The following CFAP99 variants were observed in gnomAD, a reference collection of about 807,000 sequenced individuals.
CFAP99 encodes the protein cilia and flagella associated protein 99.
CFAP99 carries 84 observed loss-of-function variants against 82.7 expected under a neutral mutation model. The observed-to-expected ratio is 1.02, with a 90% CI of 0.85 to 1.22. The LOEUF is 1.22. Among genes scored for constraint, CFAP99 ranks in the 50% most tolerant of loss-of-function variants. The probability of loss-of-function intolerance (pLI) is 0.00; values close to 1 mark genes in which losing one functional copy is unlikely to be tolerated. For synonymous variants in CFAP99, 456 were observed against 429.5 expected, an observed-to-expected ratio of 1.06 and a Z score of -0.76; for missense variants, 1,059 against 983.5, an observed-to-expected ratio of 1.08 and a Z score of -1.03.
chr4:2,459,952 C>T (rs1560391428), intron 13 of CFAP99, 85 bp from the exon 14 acceptor site: 6 of 1,233,462 alleles, frequency 4.9e-6, no homozygotes, highest in South Asian at 1.3e-5. Flanking sequence ...AAGGGGTGGG[C>T]CTATGGAACA....
chr4:2,450,204 C>G, intron 8 of CFAP99, 199 bp downstream of exon 8: 1 of 607,984 alleles, frequency 1.6e-6, no homozygotes, highest in Middle Eastern at 2.6e-4. Flanking sequence ...CGGGTGTAGA[C>G]GCGCACCCAC....
intron 10 of CFAP99, 40 bp from the exon 11 acceptor site, chr4:2,452,102 G>A: frequency 6.5e-7 from 1 of 1,530,196 alleles, no homozygotes; most frequent in Non-Finnish European, 8.8e-7. Flanking sequence ...CTCTGTCACG[G>A]GAGAAACCCC....
chr4:2,426,517 A>G (rs943525127), exon 2 of CFAP99: 8 of 1,535,866 alleles, frequency 5.2e-6, no homozygotes, highest in Admixed American at 2.0e-5. Context: ...TGATCGAGCA[A>G]CTCGACAAAT....
At chr4:2,439,531 C>T (rs1384534315) in intron 4 of CFAP99, among the ~76,000 whole-genome samples, 5 of 152,210 alleles carry the variant, frequency 3.3e-5, no homozygotes, top group Non-Finnish European at 5.9e-5. Context: ...CGGCGGCTCA[C>T]ACAGCACCTC....
In CFAP99 at chr4:2,440,378, C is replaced by G. The variant is rs569925955; in HGVS notation, c.351+2214C>G. On this transcript the variant is annotated intron_variant, in intron 4 of 14. Coordinates refer to ENST00000635017, the Ensembl canonical transcript of CFAP99. ...AGCCGGGATGGTCTCGATCTCCTGA[C>G]CTCGTGATCCGCCCGCCTCGGCCTC... 5.4e-5 allele frequency among the ~76,000 whole-genome samples: 8 copies of G among 147,640 alleles called. No individual in the cohort carries two copies. In the South Asian group the frequency reaches 1.7e-3, roughly 32 times the overall value.
Position 2,462,864 on chromosome 4 carries a change from C to T in CFAP99, c.2083C>T (p.Leu695=), listed in dbSNP as rs1357782737. 7.2e-7 allele frequency: 1 copy of T among 1,390,478 alleles called. No individual in the cohort carries two copies. Among genetic ancestry groups the T allele is most frequent in the East Asian group, 3.2e-5 (1 of 31,488 alleles). The allele number at this position is 1,390,478 out of a possible 1,614,324, so 86.1% of individuals were successfully genotyped here. Residue 695 remains leucine, a synonymous_variant, in exon 15 of 15, where the codon CTG becomes TTG. Transcript: ENST00000635017. This position sits in a 1 kb window ranked among gnomAD's most constrained non-coding sequence, Gnocchi z 4.1. ...GCTGGAGCGGAGCCGCGAGCGCAGG[C>T]TGCAGGCGCTGCAGCAGGGAGGCTC...
At chr4:2,432,222 T>C (rs1383860714) in intron 2 of CFAP99, among the ~76,000 whole-genome samples, 1 of 152,088 alleles carries the variant, frequency 6.6e-6, no homozygotes, top group East Asian at 1.9e-4. Flanking sequence ...ATATCCCAGG[T>C]GAGGAGAGGA....
At chr4:2,432,669 C>A (rs1733822335) in intron 2 of CFAP99, among the ~76,000 whole-genome samples, 1 of 152,336 alleles carries the variant, frequency 6.6e-6, no homozygotes, top group Middle Eastern at 3.4e-3. Context: ...GAAACCCCTG[C>A]AGCAGTCTCT....
intron 5 of CFAP99, 76 bp downstream of exon 5, chr4:2,443,318 G>A: frequency 1.2e-6 from 1 of 860,760 alleles, no homozygotes. Flanking sequence ...GGGCACGGGA[G>A]CTCCACGTTC....
chr4:2,430,531 G>A (rs1027772137), intron 2 of CFAP99, among the ~76,000 whole-genome samples: 12 of 143,506 alleles, frequency 8.4e-5, no homozygotes, highest in Non-Finnish European at 1.5e-4. Context: ...TCCGGACAGC[G>A]GACTGCGGTG....
intron 1 of CFAP99, among the ~76,000 whole-genome samples, chr4:2,420,579 T>A (rs1560374330): frequency 6.6e-6 from 1 of 152,114 alleles, no homozygotes; most frequent in Non-Finnish European, 1.5e-5. Flanking sequence ...CCTTCCTGTG[T>A]TTTATAGTTT....
At chr4:2,447,706 ATGGG>A (rs1734201325) in intron 6 of CFAP99, among the ~76,000 whole-genome samples, 1 of 130,476 alleles carries the variant, frequency 7.7e-6, no homozygotes, top group African/African-American at 3.0e-5. Flanking sequence ...AAATTGTTGG[ATGGG>A]TGGGTGGGTG....
chr4:2,457,259 A>G (rs1734459161), intron 11 of CFAP99, among the ~76,000 whole-genome samples: 1 of 152,188 alleles, frequency 6.6e-6, no homozygotes, highest in East Asian at 1.9e-4. Context: ...ACATTTTACC[A>G]AAGTCTTCAG....
At chr4:2,442,139 G>T (rs1183293245) in intron 4 of CFAP99, among the ~76,000 whole-genome samples, 1 of 152,220 alleles carries the variant, frequency 6.6e-6, no homozygotes, top group Non-Finnish European at 1.5e-5. Context: ...GAGACGCTGA[G>T]TGTGGGGATG....
In CFAP99 at chr4:2,446,353, CATTTT is replaced by C. The variant is rs1274104176; in HGVS notation, c.642+1049_642+1053del. 2.0e-5 allele frequency among the ~76,000 whole-genome samples: 3 copies of C among 151,268 alleles called. No homozygotes were observed. The highest frequency in any genetic ancestry group is 2.1e-4 in the South Asian group (1 of 4,780). On this transcript the variant is annotated intron_variant, in intron 6 of 14. Coordinates refer to ENST00000635017, the Ensembl canonical transcript of CFAP99. This position sits in a 1 kb window ranked among gnomAD's most constrained non-coding sequence, Gnocchi z 5.0. ...TTTGTCCCATATTCTCTTTTTATTT[CATTTT>C]ATTATTGTTGTTATTATTATTATTA...
chr4:2,436,099 AT>A (rs1244620753), intron 2 of CFAP99, among the ~76,000 whole-genome samples: 1 of 144,886 alleles, frequency 6.9e-6, no homozygotes, highest in East Asian at 2.0e-4. Context: ...AAAAAAATCT[AT>A]ATATATGTAT....
intron 13 of CFAP99, 72 bp from the exon 14 acceptor site, chr4:2,459,965 G>A: frequency 1.4e-6 from 2 of 1,392,492 alleles, no homozygotes; most frequent in African/African-American, 1.4e-5. Context: ...ATGGAACAGG[G>A]GAGGGATCCT....
At chr4:2,430,671 C>T (rs926889461) in intron 2 of CFAP99, among the ~76,000 whole-genome samples, 1 of 152,208 alleles carries the variant, frequency 6.6e-6, no homozygotes, top group Non-Finnish European at 1.5e-5. Flanking sequence ...GGCATGGTGG[C>T]ACGTACCTAG....
chr4:2,426,416 C>A, intron 1 of CFAP99, 43 bp from the exon 2 acceptor site: 2 of 1,260,740 alleles, frequency 1.6e-6, no homozygotes, highest in Non-Finnish European at 2.2e-6. Flanking sequence ...CCTGCGGCTA[C>A]ATCCCAGGTG....
Sources: allele counts gnomAD v4.1 joint callset (sites outside exome capture counted in the v4.1 genomes callset), GRCh38; gene constraint gnomAD v4.1.1; non-coding constraint Gnocchi (gnomAD v3.1); transcripts MANE v1.5; gene names NCBI Gene and HGNC (gene_info 2026-07-23, HGNC 2026-07-21).